The following DLC1 variants were observed in gnomAD, a reference collection of about 807,000 sequenced individuals.
DLC1 encodes the protein rho GTPase-activating protein 7.
Under a neutral mutation model 140.3 loss-of-function variants are expected in DLC1, and 54 were observed. The ratio of observed to expected loss-of-function variants is 0.38; its 90% CI spans 0.31 to 0.48. DLC1 has a LOEUF of 0.48. DLC1 is among the 20% of genes least tolerant of loss of function. The pLI is 0.96. For synonymous variants in DLC1, 986 were observed against 728.1 expected (o/e 1.35, Z -5.70); for missense variants, 2,536 against 1,907.0 (o/e 1.33, Z -6.14).
At chr8:13,365,530 C>G (rs749872183) in intron 4 of DLC1, among the ~76,000 whole-genome samples, 5 of 152,126 alleles carry the variant, frequency 3.3e-5, no homozygotes, top group Non-Finnish European at 5.9e-5. Context: ...GTTGGAGGGA[C>G]AAATGCCAGA....
chr8:13,158,729 A>AACCCCC (rs1824438267), intron 5 of DLC1, among the ~76,000 whole-genome samples: 1 of 20,154 alleles, frequency 5.0e-5, no homozygotes, highest in Non-Finnish European at 1.0e-4. Context: ...CACAACCACC[A>AACCCCC]CCCTCCCCCC....
chr8:13,331,290 G>A (rs191639107), intron 4 of DLC1, among the ~76,000 whole-genome samples: 10 of 152,274 alleles, frequency 6.6e-5, no homozygotes, highest in Admixed American at 5.2e-4. Flanking sequence ...CCTGGTATTC[G>A]TTTGGGTGGC....
chr8:13,556,139 G>C (rs570081750), intron 1 of DLC1, among the ~76,000 whole-genome samples: 2 of 152,208 alleles, frequency 1.3e-5, no homozygotes, highest in East Asian at 3.9e-4. Context: ...CAATCAATGA[G>C]GATTGATTAT....
intron 2 of DLC1, among the ~76,000 whole-genome samples, chr8:13,483,160 T>A (rs905655637): frequency 2.0e-5 from 3 of 152,200 alleles, no homozygotes; most frequent in African/African-American, 7.2e-5. Context: ...TGTTTTCACA[T>A]GGCCTTGTCT....
chr8:13,118,732 A>G (rs1007219602), intron 5 of DLC1, among the ~76,000 whole-genome samples: 2 of 152,146 alleles, frequency 1.3e-5, no homozygotes, highest in Non-Finnish European at 2.9e-5. Context: ...AAATGAACCT[A>G]TATCTACATG....
At chr8:13,530,578 A>C (rs1803062591) in intron 1 of DLC1, among the ~76,000 whole-genome samples, 1 of 152,222 alleles carries the variant, frequency 6.6e-6, no homozygotes, top group East Asian at 1.9e-4. Context: ...GCGAGTCAAA[A>C]CTTCAGCCTG....
chr8:13,179,357 T>G (rs77979722), intron 5 of DLC1, among the ~76,000 whole-genome samples: 5 of 152,030 alleles, frequency 3.3e-5, no homozygotes, highest in Admixed American at 1.3e-4. Flanking sequence ...AGAGGTATGT[T>G]CATTTAACCC....
rs1193624703 is a variant in DLC1 at position 13,098,428 on chromosome 8, G to A, written c.3138C>T (p.Tyr1046=). ...LLKLTALLEK[Y]TPSNKHGFSW... is the part of the protein sequence containing the mutation. ...TAAAACCATGCTTGTTAGAAGGTGTGTATTTCTCCAGCAGGGCCGTTAGCT... is the reference window on the plus strand; with the variant it reads ...TAAAACCATGCTTGTTAGAAGGTGTATATTTCTCCAGCAGGGCCGTTAGCT... Residue 1046 remains tyrosine (Y), a synonymous_variant, in exon 10 of 18, where the codon TAC becomes TAT. Transcript: ENST00000276297. 1.9e-6 allele frequency: 3 copies of A among 1,614,154 alleles called. No individual in the cohort carries two copies. The highest frequency in any genetic ancestry group is 1.3e-5 in the African/African-American group (1 of 75,036).
At chr8:13,296,908 T>C (rs926036878) in intron 5 of DLC1, among the ~76,000 whole-genome samples, 3 of 151,972 alleles carry the variant, frequency 2.0e-5, no homozygotes, top group Non-Finnish European at 4.4e-5. Flanking sequence ...GTCATCTACG[T>C]GTGTTGCTTA....
At chr8:13,090,199 A>G in intron 15 of DLC1, 53 bp downstream of exon 15, 2 of 1,542,220 alleles carry the variant, frequency 1.3e-6, no homozygotes, top group East Asian at 2.3e-5. Flanking sequence ...TCTCTGATGG[A>G]CCCAAGCTTC....
intron 5 of DLC1, among the ~76,000 whole-genome samples, chr8:13,249,784 C>A (rs1295209376): frequency 1.3e-5 from 2 of 152,104 alleles, no homozygotes; most frequent in Non-Finnish European, 2.9e-5. Flanking sequence ...TACCATAAAC[C>A]CATCCTTTCC....
At chr8:13,325,193 G>T (rs1833288261) in intron 4 of DLC1, among the ~76,000 whole-genome samples, 1 of 152,210 alleles carries the variant, frequency 6.6e-6, no homozygotes, top group Non-Finnish European at 1.5e-5. Context: ...GTTGGTCAGT[G>T]TAGGCTGTTT....
chr8:13,118,699 A>C (rs1287129686), intron 5 of DLC1, among the ~76,000 whole-genome samples: 6 of 152,208 alleles, frequency 3.9e-5, no homozygotes, highest in Admixed American at 3.9e-4. Context: ...TTAAAAATCA[A>C]TTATTTTTAT....
intron 2 of DLC1, among the ~76,000 whole-genome samples, chr8:13,407,534 C>T (rs1837620905): frequency 6.6e-6 from 1 of 151,836 alleles, no homozygotes; most frequent in South Asian, 2.1e-4. Context: ...CTCTGTTTTC[C>T]TAATGCCAGC....
At chr8:13,385,318 A>C (rs1836470846) in intron 4 of DLC1, among the ~76,000 whole-genome samples, 1 of 152,236 alleles carries the variant, frequency 6.6e-6, no homozygotes, top group South Asian at 2.1e-4. Flanking sequence ...GGAAACAATT[A>C]GAGTCAATTT....
chr8:13,468,137 G>C (rs923513187), intron 2 of DLC1, among the ~76,000 whole-genome samples: 1 of 151,900 alleles, frequency 6.6e-6, no homozygotes, highest in African/African-American at 2.4e-5. Context: ...AAACACTTTC[G>C]GAAAAAGTGT....
At chr8:13,573,058 T>C (rs2117419161) in intron 1 of DLC1, among the ~76,000 whole-genome samples, 1 of 152,330 alleles carries the variant, frequency 6.6e-6, no homozygotes, top group Non-Finnish European at 1.5e-5. Context: ...TATATATCTT[T>C]GGGTAATATT....
intron 5 of DLC1, among the ~76,000 whole-genome samples, chr8:13,158,942 A>G (rs1824477741): frequency 6.6e-6 from 1 of 152,066 alleles, no homozygotes; most frequent in South Asian, 2.1e-4. Context: ...GAGTGCCCTG[A>G]GCCCCTGAAC....
chr8:13,359,523 T>C (rs1208519334), intron 4 of DLC1, among the ~76,000 whole-genome samples: 1 of 152,146 alleles, frequency 6.6e-6, no homozygotes, highest in Admixed American at 6.5e-5. Context: ...GGGTTTACTT[T>C]AAGCTGGTTT....
Sources: allele counts gnomAD v4.1 joint callset (sites outside exome capture counted in the v4.1 genomes callset), GRCh38; gene constraint gnomAD v4.1.1; transcripts MANE v1.5; gene names NCBI Gene and HGNC (gene_info 2026-07-23, HGNC 2026-07-21).